C4orf51: variants seen among roughly 807,000 people sequenced by gnomAD.
C4orf51 encodes the protein chromosome 4 open reading frame 51, also known as uncharacterized protein C4orf51.
A neutral mutation model predicts 25.2 loss-of-function variants in C4orf51; 25 were observed. That is an observed-to-expected ratio of 0.99 (90% CI 0.72 to 1.39). C4orf51 has a LOEUF of 1.39. Among genes scored for constraint, C4orf51 ranks in the 40% most tolerant of loss-of-function variants. C4orf51 has a pLI of 0.00. For missense variants in C4orf51, 252 were observed against 239.6 expected (o/e 1.05, Z -0.34); for synonymous variants, 100 against 84.5 (o/e 1.18, Z -1.01).
At chr4:145,756,589 G>A (rs905312925), downstream of C4orf51, among the ~76,000 whole-genome samples, 5 of 152,156 alleles carry the variant, frequency 3.3e-5, no homozygotes, top group Non-Finnish European at 7.3e-5. Flanking sequence ...CAGGGAAAAT[G>A]TAAGGTAGCT....
intron 2 of C4orf51, among the ~76,000 whole-genome samples, chr4:145,710,187 G>A (rs1731054793): frequency 6.6e-6 from 1 of 152,182 alleles, no homozygotes; most frequent in African/African-American, 2.4e-5. Flanking sequence ...CTCAACTCTT[G>A]CCTTCTCAAA....
intron 2 of C4orf51, among the ~76,000 whole-genome samples, chr4:145,723,223 C>T (rs1172143016): frequency 6.6e-6 from 1 of 152,116 alleles, no homozygotes; most frequent in East Asian, 1.9e-4. Context: ...ATGCGTACAT[C>T]TTGGCTGCTT....
Position 145,762,165 on chromosome 4 carries a change from G to A in C4orf51, n.167-8823G>A, listed in dbSNP as rs143370967. On this transcript the variant is annotated intron_variant and non_coding_transcript_variant, in intron 1 of 1. Coordinates refer to the C4orf51 transcript ENST00000510096. The surrounding 1 kb of genome is among the most constrained non-coding windows in gnomAD (Gnocchi z 4.9). ...ATTAAGGGTTTGTTAGGATGAGAAGGCCTGTGTGTGTCTCTCTGTGTGAGT... is the reference window on the plus strand; with the variant it reads ...ATTAAGGGTTTGTTAGGATGAGAAGACCTGTGTGTGTCTCTCTGTGTGAGT... Among the ~76,000 whole-genome samples, 101 of 152,224 alleles carry A rather than the reference G, an allele frequency of 6.6e-4. 1 individual carries two copies. In the East Asian group the frequency reaches 0.02, roughly 29 times the overall value.
At chr4:145,747,244 G>C (rs1733417273) in intron 1 of C4orf51, among the ~76,000 whole-genome samples, 1 of 152,056 alleles carries the variant, frequency 6.6e-6, no homozygotes, top group Non-Finnish European at 1.5e-5. Context: ...GAATAACAGT[G>C]GTAAAAGTAG....
intron 1 of C4orf51, among the ~76,000 whole-genome samples, chr4:145,747,259 C>G (rs1173231498): frequency 2.6e-5 from 4 of 152,026 alleles, no homozygotes; most frequent in African/African-American, 9.7e-5. Flanking sequence ...AAGTAGGCAT[C>G]TTTGTTGTGT....
the C4orf51 span, among the ~76,000 whole-genome samples, chr4:145,792,140 G>A: frequency 6.6e-6 from 1 of 152,196 alleles, no homozygotes. Context: ...AATACCATGT[G>A]TTAAATGTTT....
intron 1 of C4orf51, among the ~76,000 whole-genome samples, chr4:145,747,556 G>A (rs1180573057): frequency 2.6e-5 from 4 of 151,952 alleles, no homozygotes; most frequent in Non-Finnish European, 5.9e-5. Context: ...AATCCCACTT[G>A]GTAATGATGA....
chr4:145,744,315 G>A (rs1733249080), intron 1 of C4orf51, among the ~76,000 whole-genome samples: 1 of 152,096 alleles, frequency 6.6e-6, no homozygotes, highest in Non-Finnish European at 1.5e-5. Flanking sequence ...GGGTGGCAAT[G>A]GATTATGGGT....
chr4:145,727,895 G>A (rs1421739132), intron 3 of C4orf51, among the ~76,000 whole-genome samples: 4 of 101,600 alleles, frequency 3.9e-5, no homozygotes, highest in Admixed American at 1.4e-4. Context: ...AAAAAAATGT[G>A]TATATATATA....
rs1366078302 is a variant in C4orf51 at position 145,761,275 on chromosome 4, C to T, written n.167-9713C>T. The T allele has an allele frequency of 1.1e-5, 14 of 1,289,764 alleles. No homozygotes were observed. Among genetic ancestry groups the T allele is most frequent in the Non-Finnish European group, 1.2e-5 (12 of 988,886 alleles). 79.9% of individuals were successfully genotyped at this position (1,289,764 alleles called of 1,614,324 possible). ...GCACTCTTCGCAGCTGAAGGTCTGG[C>T]GTGGGGCGTGCTTCAGCTTCTTGTG... On this transcript the variant is annotated intron_variant and non_coding_transcript_variant, in intron 1 of 1. Coordinates refer to the C4orf51 transcript ENST00000510096. The surrounding 1 kb of genome is among the most constrained non-coding windows in gnomAD (Gnocchi z 6.8).
chr4:145,702,993 C>T (rs1207460903), intron 2 of C4orf51, among the ~76,000 whole-genome samples: 4 of 151,480 alleles, frequency 2.6e-5, no homozygotes, highest in African/African-American at 7.3e-5. Flanking sequence ...CCAAAATTTT[C>T]GCCACCCCAA....
chr4:145,791,700 G>T, the C4orf51 span, among the ~76,000 whole-genome samples: 1 of 152,048 alleles, frequency 6.6e-6, no homozygotes, highest in Non-Finnish European at 1.5e-5. Flanking sequence ...TTATACATAC[G>T]AATAGCTAAG....
intron 3 of C4orf51, among the ~76,000 whole-genome samples, chr4:145,727,922 T>TATATATATATAA (rs1234382844): frequency 2.1e-5 from 2 of 96,946 alleles, no homozygotes; most frequent in African/African-American, 1.0e-4. Flanking sequence ...TATATATATA[T>TATATATATATAA]AAAATATATT....
rs535919078 is a variant in C4orf51 at position 145,703,430 on chromosome 4, T to G, written c.307+6798T>G. Among the ~76,000 whole-genome samples the G allele has an allele frequency of 2.0e-5, 3 of 152,304 alleles. No individual in the cohort carries two copies. The East Asian group carries it at 5.8e-4, about 29-fold the overall frequency. On this transcript the variant is annotated intron_variant, in intron 2 of 5. Transcript: ENST00000438731. Reference sequence around the variant, plus strand: ...ACTCTCTTTTCGGACTCAGCCCACCTGTACCCAGGTGATTAAAAGCTTTAT... The same window carrying G: ...ACTCTCTTTTCGGACTCAGCCCACCGGTACCCAGGTGATTAAAAGCTTTAT...
chr4:145,690,641 A>G (rs1560821402), intron 1 of C4orf51, among the ~76,000 whole-genome samples: 2 of 152,226 alleles, frequency 1.3e-5, no homozygotes, highest in African/African-American at 2.4e-5. Context: ...TTGGGACCTC[A>G]TTAAACCACA....
chr4:145,748,799 C>T (rs1255637083), intron 1 of C4orf51, among the ~76,000 whole-genome samples: 2 of 151,908 alleles, frequency 1.3e-5, no homozygotes, highest in African/African-American at 4.8e-5. Flanking sequence ...ATGGTCTATC[C>T]TTCAGAATGA....
At chr4:145,687,445 G>T (rs906476299) in intron 1 of C4orf51, among the ~76,000 whole-genome samples, 4 of 152,108 alleles carry the variant, frequency 2.6e-5, no homozygotes, top group Admixed American at 1.3e-4. Flanking sequence ...CTTAACCTTG[G>T]CAAAATAAAC....
chr4:145,760,454 CA>C (rs1734327179), intron 1 of C4orf51: 1 of 154,594 alleles, frequency 6.5e-6, no homozygotes, highest in Admixed American at 6.4e-5. Context: ...TTTAACAAGA[CA>C]AGATTCCTTT....
chr4:145,729,820 G>A (rs577100480), intron 4 of C4orf51, 72 bp from the exon 5 acceptor site: 3 of 1,292,662 alleles, frequency 2.3e-6, no homozygotes, highest in South Asian at 1.2e-5. Context: ...GTTTGGGAAT[G>A]TCAGGAAATT....
Sources: gnomAD v4.1 joint callset for allele counts (sites outside exome capture counted in the v4.1 genomes callset) on GRCh38, gnomAD v4.1.1 for gene constraint, Gnocchi (gnomAD v3.1) non-coding constraint, MANE v1.5 for transcripts, NCBI Gene and HGNC (gene_info 2026-07-23, HGNC 2026-07-21) for gene names.